Variants in MMP24 observed in about 807,000 individuals in gnomAD.
MMP24 encodes the protein matrix metallopeptidase 24.
Under a neutral mutation model 62.8 loss-of-function variants are expected in MMP24, and 25 were observed. The observed-to-expected ratio is 0.40, with a 90% CI of 0.29 to 0.56. The LOEUF (loss-of-function observed/expected upper bound fraction) is 0.56. MMP24 is among the 20% of genes least tolerant of loss of function. The pLI, the probability that MMP24 is intolerant of heterozygous loss-of-function variation, is 0.50. For synonymous variants in MMP24, 319 were observed against 350.5 expected, an observed-to-expected ratio of 0.91 and a Z score of 1.00; for missense variants, 634 against 853.6, an observed-to-expected ratio of 0.74 and a Z score of 3.21.
intron 2 of MMP24, among the ~76,000 whole-genome samples, chr20:35,248,206 CG>C (rs1337657561): frequency 6.6e-6 from 1 of 151,760 alleles, no homozygotes; most frequent in South Asian, 2.1e-4. Flanking sequence ...ATCAATTTGA[CG>C]TAAGTCACTC....
intron 1 of MMP24, among the ~76,000 whole-genome samples, chr20:35,244,955 A>G (rs1219189157): frequency 6.6e-6 from 1 of 152,338 alleles, no homozygotes; most frequent in East Asian, 1.9e-4. Context: ...ATTTAAAAAA[A>G]AAAGTTATGA....
At position 35,271,223 on chromosome 20, in the gene MMP24, G is replaced by A. The variant is rs1380834626; in HGVS notation, c.1334-346G>A. ...CTGCCGGTAGGCCGAGGGAGGTCAG[G>A]GTTTCTGGCTCTGCTGCTCAGGTCC... On this transcript the variant is annotated intron_variant, in intron 7 of 8. Transcript: ENST00000246186. This position sits in a 1 kb window ranked among gnomAD's most constrained non-coding sequence, Gnocchi z 4.0. Among the ~76,000 whole-genome samples, 2 of 152,194 alleles carry A rather than the reference G, an allele frequency of 1.3e-5. No homozygotes were observed. Among genetic ancestry groups the A allele is most frequent in the Non-Finnish European group, 2.9e-5 (2 of 68,036 alleles).
rs775889866 is a variant in MMP24, at chr20:35,274,105, C to T, written c.1601-167C>T. On this transcript the variant is annotated intron_variant, in intron 8 of 8. Transcript: ENST00000246186. This position sits in a 1 kb window ranked among gnomAD's most constrained non-coding sequence, Gnocchi z 5.1. ...GACCACTCCAGGTCCCGGGTGCCCC[C>T]CTCTGCAGCTTCTTACTCCATGACT... 6.6e-6 allele frequency among the ~76,000 whole-genome samples: 1 copy of T among 152,154 alleles called. No homozygotes were observed.
chr20:35,267,241 TC>T lies in MMP24; in HGVS notation c.1019del (p.Pro340LeufsTer115). 6.2e-7 allele frequency: 1 copy of T among 1,604,818 alleles called. No individual in the cohort carries two copies. The highest frequency in any genetic ancestry group is 8.5e-7 in the Non-Finnish European group (1 of 1,176,192). ...PAEPLEPTRPLPTLPVRRIHS... is the reference protein window; with the variant it reads ...PAEPLEPTRPXPTLPVRRIHS... Reference sequence around the variant, plus strand: ...GAGCCTCTGGAGCCCACAAGGCCACTCCCTACACTCCCCGTCCGCAGGATCC... The same window carrying T: ...GAGCCTCTGGAGCCCACAAGGCCACTCCTACACTCCCCGTCCGCAGGATCC... On this transcript the variant is annotated frameshift_variant, in exon 6 of 9. Coordinates refer to ENST00000246186, the MANE Select transcript of MMP24 (RefSeq NM_006690.4). LOFTEE classifies it high-confidence loss of function.
chr20:35,247,108 T>G, intron 2 of MMP24, 120 bp downstream of exon 2: 734 of 966,816 alleles, frequency 7.6e-4, no homozygotes, highest in Non-Finnish European at 9.8e-4. Flanking sequence ...ATTCCTGCAG[T>G]GCCATCCTGG....
Position 35,246,848 on chromosome 20 carries a change from A to G in MMP24, c.255A>G (p.Leu85=). ...AEAPFAGQNW[L]KSYGYLLPYD... ...TTTCCCGTGTCTTTCAGAACTGGTT[A>G]AAGTCCTATGGCTATCTGCTTCCCT... Residue 85 remains leucine (L), a synonymous_variant, in exon 2 of 9, where the codon TTA becomes TTG. Coordinates refer to ENST00000246186, the MANE Select transcript of MMP24 (RefSeq NM_006690.4). 6.2e-7 allele frequency: 1 copy of G among 1,613,994 alleles called. No homozygotes were observed.
At chr20:35,260,583 C>G (rs2060597333) in intron 4 of MMP24, among the ~76,000 whole-genome samples, 1 of 152,228 alleles carries the variant, frequency 6.6e-6, no homozygotes, top group South Asian at 2.1e-4. Context: ...GCTGGCTCTA[C>G]CAGTTTGTTT....
chr20:35,269,616 C>T lies in MMP24; in HGVS notation c.1195-144C>T, dbSNP rs2060655965. On this transcript the variant is annotated intron_variant, in intron 6 of 8. Coordinates refer to ENST00000246186, the MANE Select transcript of MMP24 (RefSeq NM_006690.4). The surrounding 1 kb of genome is among the most constrained non-coding windows in gnomAD (Gnocchi z 4.6). ...AGTTACAGGAGCATCCTGTCTTCCTCCCAGGGCTTTAAAAGTCAGAAGCAG... is the reference window on the plus strand; with the variant it reads ...AGTTACAGGAGCATCCTGTCTTCCTTCCAGGGCTTTAAAAGTCAGAAGCAG... The T allele has an allele frequency of 9.9e-7, 1 of 1,011,400 alleles. No homozygotes were observed. The highest frequency in any genetic ancestry group is 1.7e-5 in the South Asian group (1 of 59,610). The allele number at this position is 1,011,400 out of a possible 1,614,324, so 62.7% of individuals were successfully genotyped here. A position where few individuals can be genotyped will look rare whatever the true frequency, so the allele number is the denominator to read the frequency against.
intron 2 of MMP24, among the ~76,000 whole-genome samples, chr20:35,248,226 A>G (rs1330507792): frequency 6.6e-6 from 1 of 151,950 alleles, no homozygotes; most frequent in Non-Finnish European, 1.5e-5. Flanking sequence ...TCCTGGACAG[A>G]ATCATCTCTC....
chr20:35,273,952 G>C (rs189710950), intron 8 of MMP24, among the ~76,000 whole-genome samples: 1 of 152,330 alleles, frequency 6.6e-6, no homozygotes, highest in African/African-American at 2.4e-5. Context: ...GGACCTGTGC[G>C]CACAGTGTGA....
intron 4 of MMP24, among the ~76,000 whole-genome samples, chr20:35,260,291 C>A (rs1159292920): frequency 6.6e-6 from 1 of 152,248 alleles, no homozygotes; most frequent in Non-Finnish European, 1.5e-5. Flanking sequence ...CCTTTTGGTT[C>A]CTGGACCCAA....
At chr20:35,257,921 G>C (rs1167975822) in intron 4 of MMP24, among the ~76,000 whole-genome samples, 5 of 152,216 alleles carry the variant, frequency 3.3e-5, no homozygotes, top group Non-Finnish European at 5.9e-5. Flanking sequence ...TTTTGGGTGA[G>C]AGGCAAGGAA....
At chr20:35,264,697 G>T (rs1375422918) in intron 5 of MMP24, among the ~76,000 whole-genome samples, 1 of 103,054 alleles carries the variant, frequency 9.7e-6, no homozygotes, top group African/African-American at 3.7e-5. Context: ...AACAGGGCGA[G>T]ACTCCGTCTC....
chr20:35,274,359 T>C lies in MMP24; in HGVS notation c.1688T>C (p.Leu563Pro), dbSNP rs1409763265. Residue 563 changes from leucine (L) to proline (P), a missense_variant, in exon 9 of 9, where the codon CTG becomes CCG. By Grantham distance (98) the Leu-to-Pro change is moderately conservative. Transcript: ENST00000246186. This position sits in a 1 kb window ranked among gnomAD's most constrained non-coding sequence, Gnocchi z 5.1. ...SVEPGYPRNI[L>P]RDWMGCNQKE... ...GAGCCAGGCTACCCGCGCAACATCCTGCGTGACTGGATGGGCTGCAACCAG... is the reference window on the plus strand; with the variant it reads ...GAGCCAGGCTACCCGCGCAACATCCCGCGTGACTGGATGGGCTGCAACCAG... 4.3e-6 allele frequency: 7 copies of C among 1,613,898 alleles called. No homozygotes were observed. The highest frequency in any genetic ancestry group is 1.3e-5 in the African/African-American group (1 of 75,024).
At position 35,274,025 on chromosome 20, in the gene MMP24, T is replaced by C. The variant is rs1464960326; in HGVS notation, c.1601-247T>C. Among the ~76,000 whole-genome samples, 1 of 152,124 alleles carries C rather than the reference T, an allele frequency of 6.6e-6. No homozygotes were observed. The highest frequency in any genetic ancestry group is 1.5e-5 in the Non-Finnish European group (1 of 68,014). On this transcript the variant is annotated intron_variant, in intron 8 of 8. Coordinates refer to ENST00000246186, the MANE Select transcript of MMP24 (RefSeq NM_006690.4). The surrounding 1 kb of genome is among the most constrained non-coding windows in gnomAD (Gnocchi z 5.1). ...TCTGGGCAGCACAAAGTGAACCATGTCCCAGTTCTCCCTGAAGCCCCTCTG... is the reference window on the plus strand; with the variant it reads ...TCTGGGCAGCACAAAGTGAACCATGCCCCAGTTCTCCCTGAAGCCCCTCTG...
chr20:35,246,183 G>A (rs988520964), intron 1 of MMP24, among the ~76,000 whole-genome samples: 2 of 151,838 alleles, frequency 1.3e-5, no homozygotes, highest in Non-Finnish European at 1.5e-5. Context: ...GGCCGGGCGC[G>A]GTGGCTCACG....
intron 3 of MMP24, among the ~76,000 whole-genome samples, chr20:35,254,161 G>A (rs182468747): frequency 1.3e-3 from 203 of 152,270 alleles, no homozygotes; most frequent in Non-Finnish European, 2.5e-3. Context: ...GAACCGCTGC[G>A]CCCAGCCCCA....
intron 4 of MMP24, chr20:35,263,580 C>G (rs1429227842): frequency 9.4e-6 from 4 of 423,670 alleles, no homozygotes; most frequent in Non-Finnish European, 1.7e-5. Context: ...CCAGAGCCCT[C>G]TGCCTCACTT....
At position 35,271,268 on chromosome 20, in the gene MMP24, C is replaced by G. The variant is rs1043843827; in HGVS notation, c.1334-301C>G. Among the ~76,000 whole-genome samples, 1 of 152,076 alleles carries G rather than the reference C, an allele frequency of 6.6e-6. No individual in the cohort carries two copies. The highest frequency in any genetic ancestry group is 2.1e-4 in the South Asian group (1 of 4,824). The stretch of plus-strand genomic sequence containing the variant: ...AGGTCCAGTGGGAGAGCCTCAGAGT[C>G]GGGTGTCACTGGTAGCAGGTTTGGG... On this transcript the variant is annotated intron_variant, in intron 7 of 8. Coordinates refer to ENST00000246186, the MANE Select transcript of MMP24 (RefSeq NM_006690.4). This position sits in a 1 kb window ranked among gnomAD's most constrained non-coding sequence, Gnocchi z 4.0.
Sources: allele counts gnomAD v4.1 joint callset (sites outside exome capture counted in the v4.1 genomes callset), GRCh38; gene constraint gnomAD v4.1.1; non-coding constraint Gnocchi (gnomAD v3.1); transcripts MANE v1.5; gene names NCBI Gene and HGNC (gene_info 2026-07-23, HGNC 2026-07-21).